PRKCA: variants seen among roughly 807,000 people sequenced by gnomAD.
The protein encoded by PRKCA is protein kinase C alpha.
PRKCA carries 27 observed loss-of-function variants against 87.0 expected under a neutral mutation model. That is an observed-to-expected ratio of 0.31 (90% CI 0.23 to 0.43). The LOEUF is 0.43. Ranked by LOEUF, PRKCA falls within the 20% of genes least tolerant of loss-of-function variation. The pLI is 1.00. For missense variants in PRKCA, 518 were observed against 852.3 expected (o/e 0.61, Z 4.88); for synonymous variants, 329 against 311.1 (o/e 1.06, Z -0.61).
intron 2 of PRKCA, among the ~76,000 whole-genome samples, chr17:66,467,506 A>G (rs1027308435): frequency 6.6e-6 from 1 of 152,164 alleles, no homozygotes; most frequent in Admixed American, 6.5e-5. Flanking sequence ...AAACAGCCCT[A>G]TCACCAATAG....
intron 4 of PRKCA, among the ~76,000 whole-genome samples, chr17:66,644,773 A>T (rs953665869): frequency 2.6e-5 from 4 of 152,076 alleles, no homozygotes; most frequent in African/African-American, 9.7e-5. Context: ...CAATCCACAG[A>T]TTTTCACTCT....
chr17:66,612,241 C>T (rs1970388212), intron 3 of PRKCA, among the ~76,000 whole-genome samples: 1 of 151,754 alleles, frequency 6.6e-6, no homozygotes, highest in African/African-American at 2.4e-5. Flanking sequence ...ATTAGCTGGG[C>T]ATGGTGGCAG....
Position 66,800,036 on chromosome 17 carries a change from G to A in PRKCA, c.1855-3837G>A, listed in dbSNP as rs548044396. Among the ~76,000 whole-genome samples the A allele has an allele frequency of 5.9e-5, 9 of 152,190 alleles. No homozygotes were observed. In the South Asian group the frequency reaches 1.2e-3, roughly 21 times the overall value. On this transcript the variant is annotated intron_variant, in intron 16 of 16. Transcript: ENST00000413366. ...CTGCAGCCCTTCCAGGCTTTCTTCC[G>A]GTTTCTTGCTAAGACACACCCATGG...
At chr17:66,768,387 C>T (rs1488269785) in intron 13 of PRKCA, among the ~76,000 whole-genome samples, 38 of 152,054 alleles carry the variant, frequency 2.5e-4, no homozygotes, top group Admixed American at 2.4e-3. Context: ...GTGCCTTTCC[C>T]CTATTCATTT....
intron 8 of PRKCA, among the ~76,000 whole-genome samples, chr17:66,707,259 T>TA (rs1416343232): frequency 6.6e-6 from 1 of 152,206 alleles, no homozygotes; most frequent in Non-Finnish European, 1.5e-5. Flanking sequence ...TGCCTTGACT[T>TA]ATGCAGTCTA....
intron 2 of PRKCA, among the ~76,000 whole-genome samples, chr17:66,365,563 G>A (rs1179650223): frequency 2.0e-5 from 3 of 152,096 alleles, no homozygotes; most frequent in Non-Finnish European, 4.4e-5. Flanking sequence ...GTTACTTATA[G>A]GCAGCTATAT....
At chr17:66,325,562 G>C (rs1375163270) in intron 2 of PRKCA, among the ~76,000 whole-genome samples, 1 of 152,158 alleles carries the variant, frequency 6.6e-6, no homozygotes, top group East Asian at 1.9e-4. Context: ...CCTCACCCCA[G>C]CAATGCTTGA....
intron 2 of PRKCA, among the ~76,000 whole-genome samples, chr17:66,442,052 G>A (rs562670275): frequency 5.7e-4 from 85 of 150,022 alleles, no homozygotes; most frequent in African/African-American, 1.9e-3. Flanking sequence ...TCATCATGAT[G>A]TTAGTCTCTC....
chr17:66,740,319 T>G (rs995252300), intron 11 of PRKCA, among the ~76,000 whole-genome samples: 2 of 152,044 alleles, frequency 1.3e-5, no homozygotes, highest in African/African-American at 4.8e-5. Flanking sequence ...AAACATCATC[T>G]CACCTCTCAG....
At chr17:66,709,446 G>A (rs1973270945) in intron 8 of PRKCA, among the ~76,000 whole-genome samples, 1 of 151,502 alleles carries the variant, frequency 6.6e-6, no homozygotes, top group African/African-American at 2.4e-5. Flanking sequence ...AAGTAGCTGG[G>A]ACTACAGGCT....
intron 3 of PRKCA, among the ~76,000 whole-genome samples, chr17:66,620,874 TCTTAGAGTA>T (rs1970659684): frequency 6.6e-6 from 1 of 152,158 alleles, no homozygotes; most frequent in African/African-American, 2.4e-5. Flanking sequence ...TAGCCTTGAG[TCTTAGAGTA>T]CATTTTATCA....
Position 66,806,813 on chromosome 17 carries a change from G to T in PRKCA, c.*2776G>T, listed in dbSNP as rs1976041894. 6.6e-6 allele frequency: 1 copy of T among 152,174 alleles called. No homozygotes were observed. The highest frequency in any genetic ancestry group is 2.1e-4 in the South Asian group (1 of 4,818). 9.4% of individuals were successfully genotyped at this position (152,174 alleles called of 1,614,324 possible). ...TTTTCCAAGAAAATGCCCCGACAGG[G>T]GTGCCCAGCACACTGCCTGAGGGAC... On this transcript the variant is annotated 3_prime_UTR_variant, in exon 17 of 17. Transcript: ENST00000413366.
chr17:66,803,769 G>A lies in PRKCA; in HGVS notation c.1855-104G>A, dbSNP rs770392350. On this transcript the variant is annotated intron_variant, in intron 16 of 16. Transcript: ENST00000413366. The surrounding 1 kb of genome is among the most constrained non-coding windows in gnomAD (Gnocchi z 4.4). ...CGAGATTCCTCCTCCTAACCAGCCC[G>A]GAGTTCCCCAGGGCCGTGCCCCTCC... 172 of 1,476,720 alleles carry A rather than the reference G, an allele frequency of 1.2e-4. No homozygotes were observed. The highest frequency in any genetic ancestry group is 1.4e-4 in the Non-Finnish European group (158 of 1,100,366). 91.5% of individuals were successfully genotyped at this position (1,476,720 alleles called of 1,614,324 possible).
At chr17:66,584,620 C>CAAAG (rs914249154) in intron 3 of PRKCA, among the ~76,000 whole-genome samples, 1 of 152,146 alleles carries the variant, frequency 6.6e-6, no homozygotes, top group Admixed American at 6.6e-5. Context: ...ACACTCCCTC[C>CAAAG]AAAGTCTCAG....
intron 8 of PRKCA, among the ~76,000 whole-genome samples, chr17:66,731,568 G>A (rs1351098629): frequency 6.6e-6 from 1 of 151,932 alleles, no homozygotes; most frequent in African/African-American, 2.4e-5. Flanking sequence ...GGCTCCTTCG[G>A]TGACAGTGAG....
rs60942596 is a variant in PRKCA at position 66,492,217 on chromosome 17, G to A, written c.206-3984G>A. Among the ~76,000 whole-genome samples the A allele has an allele frequency of 2.0e-4, 31 of 152,300 alleles. No homozygotes were observed. The East Asian group carries it at 5.6e-3, about 27-fold the overall frequency. ...GGGAAGCTTTCGTGTAAGGTAGGTGGGGAGGGGGTAGTTAAGGCAGGTTGG... is the reference window on the plus strand; with the variant it reads ...GGGAAGCTTTCGTGTAAGGTAGGTGAGGAGGGGGTAGTTAAGGCAGGTTGG... On this transcript the variant is annotated intron_variant, in intron 2 of 16. Coordinates refer to ENST00000413366, the MANE Select transcript of PRKCA (RefSeq NM_002737.3).
rs116031527 is a variant in PRKCA, at chr17:66,623,792, T to C, written c.289-17563T>C. ...GAGAGTCAAGGAAAACCTGGAGGAG[T>C]AGGAGGCAGGCACAGTTGAGTTGAG... On this transcript the variant is annotated intron_variant, in intron 3 of 16. Transcript: ENST00000413366. 7.3e-4 allele frequency among the ~76,000 whole-genome samples: 110 copies of C among 150,100 alleles called. 1 individual carries two copies. The highest frequency in any genetic ancestry group is 2.5e-3 in the African/African-American group (104 of 40,802).
chr17:66,653,534 G>A (rs1050870233), intron 5 of PRKCA, among the ~76,000 whole-genome samples: 2 of 152,154 alleles, frequency 1.3e-5, no homozygotes, highest in African/African-American at 4.8e-5. Context: ...GAGGTAACAG[G>A]GATCTATGAT....
chr17:66,477,400 A>T (rs1284823312), intron 2 of PRKCA, among the ~76,000 whole-genome samples: 1 of 152,132 alleles, frequency 6.6e-6, no homozygotes, highest in African/African-American at 2.4e-5. Flanking sequence ...TTTAACTTTT[A>T]AAAAATAACA....
Sources: gnomAD v4.1 joint callset for allele counts (sites outside exome capture counted in the v4.1 genomes callset) on GRCh38, gnomAD v4.1.1 for gene constraint, Gnocchi (gnomAD v3.1) non-coding constraint, MANE v1.5 for transcripts, NCBI Gene and HGNC (gene_info 2026-07-23, HGNC 2026-07-21) for gene names.